Variants in MYH10 observed in about 807,000 individuals in gnomAD.
MYH10 encodes myosin heavy chain 10.
A neutral mutation model predicts 257.8 loss-of-function variants in MYH10; 55 were observed. That is an observed-to-expected ratio of 0.21 (90% CI 0.17 to 0.27). The LOEUF (loss-of-function observed/expected upper bound fraction) is 0.27. MYH10 is among the 10% of genes least tolerant of loss of function. The pLI, the probability that MYH10 is intolerant of heterozygous loss-of-function variation, is 1.00. For missense variants in MYH10, 1,631 were observed against 2,500.6 expected, an observed-to-expected ratio of 0.65 and a Z score of 7.42; for synonymous variants, 854 against 921.7, an observed-to-expected ratio of 0.93 and a Z score of 1.33.
intron 7 of MYH10, among the ~76,000 whole-genome samples, chr17:8,566,716 C>T (rs1467388422): frequency 3.9e-5 from 6 of 152,210 alleles, no homozygotes; most frequent in East Asian, 1.9e-4. Context: ...ATGAGATAAT[C>T]GATGCCTGAA....
In MYH10 at chr17:8,481,333, G is replaced by T; in HGVS notation, c.5253C>A (p.Ser1751Arg). 1 of 1,613,894 alleles carries T rather than the reference G, an allele frequency of 6.2e-7. No homozygotes were observed. The highest frequency in any genetic ancestry group is 8.5e-7 in the Non-Finnish European group (1 of 1,180,010). The change falls in exon 38 of 43, where the codon AGC (serine) becomes AGA (arginine). Residue 1751 changes from serine to arginine, a missense_variant. Physicochemically the swap from Ser to Arg is moderately radical, Grantham distance 110 (BLOSUM62 -1). Coordinates refer to ENST00000360416, the MANE Select transcript of MYH10 (RefSeq NM_001256012.3). ...CGTGGGAGACTCACTTGCCAGAGGC[G>T]CTGTTGGTGATCTCGTCCGCCAGCT... ...RDELADEITN[S>R]ASGKSALLDE...
intron 40 of MYH10, 73 bp from the exon 41 acceptor site, chr17:8,478,519 C>T: frequency 2.8e-6 from 4 of 1,433,904 alleles, no homozygotes; most frequent in East Asian, 2.3e-5. Flanking sequence ...TTTTTTAAAG[C>T]CCCTTTTCTT....
intron 4 of MYH10, among the ~76,000 whole-genome samples, chr17:8,581,132 A>T (rs1480473989): frequency 6.6e-6 from 1 of 151,902 alleles, no homozygotes; most frequent in Non-Finnish European, 1.5e-5. Flanking sequence ...CAGGGGAGGG[A>T]GTGGCGAGAG....
intron 3 of MYH10, among the ~76,000 whole-genome samples, chr17:8,592,933 CTATATATA>C (rs71159601): frequency 0.057 from 2,539 of 44,750 alleles, 337 homozygotes; most frequent in African/African-American, 0.13. Context: ...TCAAATCCAG[CTATATATA>C]TATATATATA....
intron 13 of MYH10, among the ~76,000 whole-genome samples, chr17:8,544,091 T>A (rs1272946784): frequency 6.6e-6 from 1 of 152,262 alleles, no homozygotes; most frequent in African/African-American, 2.4e-5. Flanking sequence ...CCATTCTTTA[T>A]AATGGATGCA....
In MYH10 at chr17:8,493,660, C is replaced by T. The variant is rs1597636887; in HGVS notation, c.4209+73G>A. 12 of 1,510,572 alleles carry T rather than the reference C, an allele frequency of 7.9e-6. No homozygotes were observed. In the East Asian group the frequency reaches 2.7e-4, roughly 34 times the overall value. The allele number at this position is 1,510,572 out of a possible 1,614,324, so 93.6% of individuals were successfully genotyped here. ...CTGTCCCAAATGGAGCTGAGACAGC[C>T]CAGCACAGCAGGGCCAGGATCTGCT... On this transcript the variant is annotated intron_variant, in intron 32 of 42. Transcript: ENST00000360416.
At chr17:8,510,665 A>C (rs1477792409) in intron 24 of MYH10, among the ~76,000 whole-genome samples, 1 of 152,246 alleles carries the variant, frequency 6.6e-6, no homozygotes, top group East Asian at 1.9e-4. Flanking sequence ...ACAAACATGA[A>C]TAATGTAGTA....
At chr17:8,500,363 T>A (rs1917333261) in intron 29 of MYH10, among the ~76,000 whole-genome samples, 1 of 151,900 alleles carries the variant, frequency 6.6e-6, no homozygotes. Flanking sequence ...GCGGGAACAA[T>A]GAATGAAAGC....
intron 38 of MYH10, 156 bp from the exon 39 acceptor site, chr17:8,480,681 T>C: frequency 2.1e-6 from 2 of 936,808 alleles, no homozygotes; most frequent in Non-Finnish European, 3.3e-6. Flanking sequence ...CATCAGTAGG[T>C]CCCACTGATG....
At chr17:8,609,965 C>CGCTAA (rs1456652770) in intron 2 of MYH10, among the ~76,000 whole-genome samples, 1 of 151,484 alleles carries the variant, frequency 6.6e-6, no homozygotes. Context: ...AAAAGGAATT[C>CGCTAA]GCTAAGCTAA....
intron 29 of MYH10, among the ~76,000 whole-genome samples, chr17:8,500,322 A>G (rs1354817477): frequency 1.3e-5 from 2 of 152,182 alleles, no homozygotes; most frequent in African/African-American, 4.8e-5. Context: ...AAGTTTCAGG[A>G]GAACGGAAAG....
At chr17:8,550,490 G>C (rs1190547679) in intron 9 of MYH10, among the ~76,000 whole-genome samples, 1 of 151,776 alleles carries the variant, frequency 6.6e-6, no homozygotes, top group Non-Finnish European at 1.5e-5. Flanking sequence ...CTCTCCGCCC[G>C]GCAGCCACCC....
chr17:8,516,517 G>A (rs921230968), intron 21 of MYH10, among the ~76,000 whole-genome samples: 12 of 152,224 alleles, frequency 7.9e-5, no homozygotes, highest in African/African-American at 2.7e-4. Flanking sequence ...ACATGGATTT[G>A]TTAGCTTTAA....
At chr17:8,478,866 G>T (rs1971300) in intron 40 of MYH10, among the ~76,000 whole-genome samples, 59,978 of 151,986 alleles carry the variant, frequency 0.39, 11,839 homozygotes, top group South Asian at 0.44. Flanking sequence ...GAGTAGCTGG[G>T]ATTACAAGGC....
chr17:8,514,590 T>C (rs1034989696), intron 21 of MYH10, among the ~76,000 whole-genome samples: 24 of 152,002 alleles, frequency 1.6e-4, no homozygotes, highest in African/African-American at 4.8e-4. Flanking sequence ...TATTTTTCAA[T>C]TTCTCACTCT....
At chr17:8,618,240 T>C (rs2085338423) in intron 2 of MYH10, among the ~76,000 whole-genome samples, 1 of 145,766 alleles carries the variant, frequency 6.9e-6, no homozygotes. Flanking sequence ...AACATGATAA[T>C]TTCCTTTTTT....
Position 8,545,650 on chromosome 17 carries a change from G to A in MYH10, c.1279-50C>T. ...TTATTCTGGAAACAATCTCAACAAA[G>A]CATAAATAGCTGTTTTACGGAATTT... On this transcript the variant is annotated intron_variant, in intron 12 of 42. Coordinates refer to ENST00000360416, the MANE Select transcript of MYH10 (RefSeq NM_001256012.3). The surrounding 1 kb of genome is among the most constrained non-coding windows in gnomAD (Gnocchi z 4.7). 3 of 1,572,534 alleles carry A rather than the reference G, an allele frequency of 1.9e-6. No individual in the cohort carries two copies. The highest frequency in any genetic ancestry group is 2.6e-6 in the Non-Finnish European group (3 of 1,158,340).
intron 3 of MYH10, among the ~76,000 whole-genome samples, chr17:8,601,614 T>C (rs1018417612): frequency 6.6e-6 from 1 of 152,240 alleles, no homozygotes; most frequent in Non-Finnish European, 1.5e-5. Context: ...GTCTCCATTC[T>C]AGTCTTCAAA....
intron 7 of MYH10, among the ~76,000 whole-genome samples, chr17:8,565,759 T>C (rs1365770045): frequency 6.6e-6 from 1 of 152,240 alleles, no homozygotes; most frequent in East Asian, 1.9e-4. Flanking sequence ...TAATTCCTGC[T>C]TCTTTCCTGT....
Sources: allele counts gnomAD v4.1 joint callset (sites outside exome capture counted in the v4.1 genomes callset), GRCh38; gene constraint gnomAD v4.1.1; non-coding constraint Gnocchi (gnomAD v3.1); transcripts MANE v1.5; gene names NCBI Gene and HGNC (gene_info 2026-07-23, HGNC 2026-07-21).